The following FRK variants were observed in gnomAD, a reference collection of about 807,000 sequenced individuals.
FRK encodes the protein tyrosine-protein kinase FRK.
FRK carries 51 observed loss-of-function variants against 56.4 expected under a neutral mutation model. The ratio of observed to expected loss-of-function variants is 0.90; its 90% CI spans 0.72 to 1.14. The LOEUF (loss-of-function observed/expected upper bound fraction) is 1.14, where lower values mean the gene tolerates loss of function less well. Ranked by LOEUF, FRK falls within the 50% of genes most tolerant of loss-of-function variation. FRK has a pLI of 0.00. For synonymous variants in FRK, 245 were observed against 217.9 expected (o/e 1.12, Z -1.10); for missense variants, 570 against 601.4 (o/e 0.95, Z 0.55).
At chr6:115,997,274 A>C (rs1428382650) in intron 2 of FRK, among the ~76,000 whole-genome samples, 1 of 152,170 alleles carries the variant, frequency 6.6e-6, no homozygotes, top group African/African-American at 2.4e-5. Flanking sequence ...CCATTAAACT[A>C]TGCCACTAGA....
chr6:116,022,683 T>C (rs965476561), intron 1 of FRK, among the ~76,000 whole-genome samples: 9 of 152,116 alleles, frequency 5.9e-5, no homozygotes, highest in African/African-American at 2.2e-4. Flanking sequence ...GGCAACAATA[T>C]AAACCCTTCA....
chr6:115,973,464 G>A (rs1441633921), intron 2 of FRK, among the ~76,000 whole-genome samples: 1 of 152,090 alleles, frequency 6.6e-6, no homozygotes. Flanking sequence ...TGTAGATGAT[G>A]GTTGATGGGT....
In FRK at chr6:115,937,401, C is replaced by T. The variant is rs900655582; in HGVS notation, c.*5013G>A. The T allele has an allele frequency of 1.1e-4, 16 of 152,180 alleles. No individual in the cohort carries two copies. The highest frequency in any genetic ancestry group is 4.6e-4 in the Admixed American group (7 of 15,278). 9.4% of individuals were successfully genotyped at this position (152,180 alleles called of 1,614,324 possible). A position where few individuals can be genotyped will look rare whatever the true frequency, so the allele number is the denominator to read the frequency against. On this transcript the variant is annotated 3_prime_UTR_variant, in exon 8 of 8. Coordinates refer to ENST00000606080, the MANE Select transcript of FRK (RefSeq NM_002031.3). ...CAAATTGTAAAGATCATCGAGGATA[C>T]GAAGAACCTGCATCAACTTTCGGGC...
intron 1 of FRK, among the ~76,000 whole-genome samples, chr6:116,040,155 CTTAT>C (rs1249945799): frequency 1.3e-5 from 2 of 151,746 alleles, no homozygotes; most frequent in East Asian, 3.9e-4. Flanking sequence ...TAATGTCTTT[CTTAT>C]TTAAGAGCAT....
intron 4 of FRK, among the ~76,000 whole-genome samples, chr6:115,958,855 A>T (rs556389447): frequency 6.6e-6 from 1 of 151,910 alleles, no homozygotes; most frequent in African/African-American, 2.4e-5. Flanking sequence ...AGGAAAAAGA[A>T]AATTATATAT....
rs780912323 is a variant in FRK, at chr6:115,968,753, T to C, written c.467-14A>G. ...CTCCATCTAAAACTGGAACCCAAAATAATTCCTGTTAATAAACTTCTTGCT... is the reference window on the plus strand; with the variant it reads ...CTCCATCTAAAACTGGAACCCAAAACAATTCCTGTTAATAAACTTCTTGCT... On this transcript the variant is annotated splice_polypyrimidine_tract_variant and intron_variant, in intron 2 of 7. Coordinates refer to ENST00000606080, the MANE Select transcript of FRK (RefSeq NM_002031.3). 1 of 1,606,334 alleles carries C rather than the reference T, an allele frequency of 6.2e-7. No individual in the cohort carries two copies. Among genetic ancestry groups the C allele is most frequent in the Non-Finnish European group, 8.5e-7 (1 of 1,175,972 alleles).
chr6:116,014,630 G>C (rs1352886597), intron 1 of FRK, among the ~76,000 whole-genome samples: 1 of 151,704 alleles, frequency 6.6e-6, no homozygotes, highest in African/African-American at 2.4e-5. Flanking sequence ...TAACTCCATG[G>C]AAGAAGTAGA....
At chr6:116,044,146 T>C (rs1251734657) in intron 1 of FRK, among the ~76,000 whole-genome samples, 3 of 152,242 alleles carry the variant, frequency 2.0e-5, no homozygotes, top group Non-Finnish European at 2.9e-5. Flanking sequence ...AGCTGAATTC[T>C]ACCAGAGGTA....
chr6:115,966,266 C>A (rs1773573084), intron 4 of FRK, among the ~76,000 whole-genome samples: 1 of 152,090 alleles, frequency 6.6e-6, no homozygotes, highest in Admixed American at 6.5e-5. Context: ...AGCACTGCTA[C>A]CCCCATTTTC....
At chr6:116,011,107 G>A (rs539914355) in intron 1 of FRK, among the ~76,000 whole-genome samples, 2 of 151,998 alleles carry the variant, frequency 1.3e-5, no homozygotes, top group African/African-American at 2.4e-5. Context: ...AAAAATTGCA[G>A]TATAAATGAA....
intron 1 of FRK, among the ~76,000 whole-genome samples, chr6:116,053,470 A>G (rs1487246126): frequency 1.3e-5 from 2 of 152,178 alleles, no homozygotes; most frequent in Non-Finnish European, 2.9e-5. Context: ...TACTTTGACA[A>G]TCTCAGTTTG....
chr6:116,080,288 T>C, the FRK span, among the ~76,000 whole-genome samples: 1 of 152,170 alleles, frequency 6.6e-6, no homozygotes, highest in East Asian at 1.9e-4. Context: ...CCTGAGTAGC[T>C]GGGACTACAG....
intron 1 of FRK, among the ~76,000 whole-genome samples, chr6:116,031,108 G>C (rs767425311): frequency 2.0e-5 from 3 of 151,946 alleles, no homozygotes; most frequent in Non-Finnish European, 4.4e-5. Context: ...TCAAACATTA[G>C]AAAAATAAAA....
intron 1 of FRK, among the ~76,000 whole-genome samples, chr6:116,029,289 C>T (rs1776213481): frequency 6.6e-6 from 1 of 152,064 alleles, no homozygotes; most frequent in South Asian, 2.1e-4. Flanking sequence ...TGTTTATTTT[C>T]TGCCTCCCCA....
intron 5 of FRK, among the ~76,000 whole-genome samples, chr6:115,953,176 G>T (rs1297055285): frequency 7.8e-6 from 1 of 128,322 alleles, no homozygotes. Context: ...TCCATTTTAA[G>T]GCCATTTTTT....
At chr6:116,048,215 T>G (rs1777052194) in intron 1 of FRK, among the ~76,000 whole-genome samples, 1 of 152,220 alleles carries the variant, frequency 6.6e-6, no homozygotes, top group African/African-American at 2.4e-5. Flanking sequence ...TGTTTCTAAA[T>G]TTCCTTTGGA....
intron 1 of FRK, among the ~76,000 whole-genome samples, chr6:116,026,614 T>C (rs1228120324): frequency 6.6e-6 from 1 of 151,528 alleles, no homozygotes; most frequent in African/African-American, 2.4e-5. Context: ...CACCCACCAT[T>C]AGGTTTTGTT....
At chr6:115,948,950 G>A (rs1472477253) in intron 5 of FRK, among the ~76,000 whole-genome samples, 1 of 152,106 alleles carries the variant, frequency 6.6e-6, no homozygotes, top group African/African-American at 2.4e-5. Context: ...CAACTGTGAA[G>A]TAGGACTAAT....
chr6:116,036,466 G>A (rs1776484093), intron 1 of FRK, among the ~76,000 whole-genome samples: 1 of 152,120 alleles, frequency 6.6e-6, no homozygotes, highest in Non-Finnish European at 1.5e-5. Context: ...CAGAAAACAT[G>A]AGTTTGAAAA....
Sources: allele counts gnomAD v4.1 joint callset (sites outside exome capture counted in the v4.1 genomes callset), GRCh38; gene constraint gnomAD v4.1.1; transcripts MANE v1.5; gene names NCBI Gene and HGNC (gene_info 2026-07-23, HGNC 2026-07-21).